STT3B: variants seen among roughly 807,000 people sequenced by gnomAD.
The protein encoded by STT3B is STT3 oligosaccharyltransferase complex catalytic subunit B, also known as dolichyl-diphosphooligosaccharide--protein glycosyltransferase subunit STT3B.
Under a neutral mutation model 96.8 loss-of-function variants are expected in STT3B, and 29 were observed. The ratio of observed to expected loss-of-function variants is 0.30; its 90% CI spans 0.22 to 0.41. The LOEUF (loss-of-function observed/expected upper bound fraction) is 0.41, where lower values mean the gene tolerates loss of function less well. Ranked by LOEUF, STT3B falls within the 10% of genes least tolerant of loss-of-function variation. STT3B has a pLI of 1.00. For missense variants in STT3B, 640 were observed against 1,022.3 expected, an observed-to-expected ratio of 0.63 and a Z score of 5.10; for synonymous variants, 367 against 360.0, an observed-to-expected ratio of 1.02 and a Z score of -0.22.
At chr3:31,564,893 T>C (rs887420050) in intron 1 of STT3B, among the ~76,000 whole-genome samples, 3 of 152,222 alleles carry the variant, frequency 2.0e-5, no homozygotes, top group African/African-American at 7.2e-5. Context: ...TCCGAACCAA[T>C]TGTTAAACTT....
In STT3B at chr3:31,600,367, C is replaced by G; in HGVS notation, c.785C>G (p.Ala262Gly). The G allele has an allele frequency of 6.5e-7, 1 of 1,530,962 alleles. No homozygotes were observed. The highest frequency in any genetic ancestry group is 1.4e-5 in the African/African-American group (1 of 73,270). 94.8% of individuals were successfully genotyped at this position (1,530,962 alleles called of 1,614,324 possible). ...GCACTTCTTTTCCTATAGGTCTCTGCTTGGGGTGGTTATGTATTTATCATC... is the reference window on the plus strand; with the variant it reads ...GCACTTCTTTTCCTATAGGTCTCTGGTTGGGGTGGTTATGTATTTATCATC... ...CCLSYFYMVS[A>G]WGGYVFIINL... The change falls in exon 5 of 16, where the codon GCT (alanine) becomes GGT (glycine). Residue 262 changes from alanine (A) to glycine (G), a missense_variant. Around this residue, in one of 8 missense-constraint regions of STT3B, gnomAD observed 267 missense variants for 388.3 expected, o/e 0.69. Transcript: ENST00000295770.
chr3:31,586,132 A>G (rs1698529751), intron 3 of STT3B, among the ~76,000 whole-genome samples: 1 of 152,006 alleles, frequency 6.6e-6, no homozygotes, highest in African/African-American at 2.4e-5. Flanking sequence ...CACATTTTTA[A>G]ATTTTACCCA....
At chr3:31,586,563 T>A (rs1698542337) in intron 3 of STT3B, among the ~76,000 whole-genome samples, 1 of 152,108 alleles carries the variant, frequency 6.6e-6, no homozygotes, top group South Asian at 2.1e-4. Context: ...TTAAGTTGAT[T>A]ATGGTCTGGT....
Position 31,635,967 on chromosome 3 carries a change from G to T in STT3B, c.2401-17G>T, listed in dbSNP as rs370120522. 7.7e-4 allele frequency: 1,223 copies of T among 1,587,626 alleles called. 4 individuals are homozygous for T. The highest frequency in any genetic ancestry group is 3.6e-3 in the South Asian group (313 of 87,118). On this transcript the variant is annotated splice_polypyrimidine_tract_variant and intron_variant, in intron 15 of 15. Transcript: ENST00000295770. ...TAAGAAACCTGCATTAATACTATGT[G>T]TTTTGTTTTTTTATAGACTACCAAA...
At chr3:31,561,932 G>C (rs1008478856) in intron 1 of STT3B, among the ~76,000 whole-genome samples, 7 of 152,072 alleles carry the variant, frequency 4.6e-5, no homozygotes, top group African/African-American at 1.7e-4. Context: ...GATTTCCCCA[G>C]GGGCTTAAGA....
intron 3 of STT3B, among the ~76,000 whole-genome samples, chr3:31,594,003 T>G (rs1208664373): frequency 3.9e-5 from 6 of 152,166 alleles, no homozygotes; most frequent in Admixed American, 3.9e-4. Context: ...AGCTTACCCT[T>G]GTTATTTTTA....
At chr3:31,586,371 C>A (rs1311587272) in intron 3 of STT3B, among the ~76,000 whole-genome samples, 1 of 151,920 alleles carries the variant, frequency 6.6e-6, no homozygotes, top group Non-Finnish European at 1.5e-5. Context: ...TTTCTCTAGT[C>A]TCTTCCTAAG....
chr3:31,583,974 A>G (rs1468813097), intron 3 of STT3B, among the ~76,000 whole-genome samples: 1 of 152,140 alleles, frequency 6.6e-6, no homozygotes, highest in African/African-American at 2.4e-5. Flanking sequence ...TTAGTGTCAT[A>G]TTTAAGGAAA....
At chr3:31,591,653 C>T (rs1698665217) in intron 3 of STT3B, among the ~76,000 whole-genome samples, 1 of 151,982 alleles carries the variant, frequency 6.6e-6, no homozygotes, top group East Asian at 1.9e-4. Flanking sequence ...TATTTTTTCT[C>T]TCCTCTCCTC....
At chr3:31,608,764 C>A (rs1699113212) in intron 5 of STT3B, among the ~76,000 whole-genome samples, 1 of 152,154 alleles carries the variant, frequency 6.6e-6, no homozygotes, top group Non-Finnish European at 1.5e-5. Flanking sequence ...GTTATGGATT[C>A]TTCATGGTAT....
In STT3B at chr3:31,533,267, TCG is replaced by T; in HGVS notation, c.271_272del (p.Ala91ArgfsTer16). The T allele has an allele frequency of 6.6e-7, 1 of 1,526,684 alleles. No homozygotes were observed. Among genetic ancestry groups the T allele is most frequent in the Non-Finnish European group, 8.8e-7 (1 of 1,137,748 alleles). 94.6% of individuals were successfully genotyped at this position (1,526,684 alleles called of 1,614,324 possible). A position where few individuals can be genotyped will look rare whatever the true frequency, so the allele number is the denominator to read the frequency against. ...CTTGCCGGCTTCAGCTCGCGCCTCTTCGCCGTCATCCGCTTCGAAAGCATCAT... is the reference window on the plus strand; with the variant it reads ...CTTGCCGGCTTCAGCTCGCGCCTCTTCCGTCATCCGCTTCGAAAGCATCAT... On this transcript the variant is annotated frameshift_variant, in exon 1 of 16. Transcript: ENST00000295770. LOFTEE classifies it high-confidence loss of function.
rs138306138 is a variant in STT3B, at chr3:31,608,830, G to A, written c.878-6275G>A. Among the ~76,000 whole-genome samples the A allele has an allele frequency of 8.3e-4, 127 of 152,292 alleles. 2 individuals are homozygous for A. The East Asian group carries it at 0.02, about 24-fold the overall frequency. ...TAGTAGTCGACAATAAGAAAAGGAT[G>A]TGTTGGCCAGGTGCAGTGGCTCACG... On this transcript the variant is annotated intron_variant, in intron 5 of 15. Transcript: ENST00000295770.
intron 1 of STT3B, among the ~76,000 whole-genome samples, chr3:31,562,380 G>C (rs1697901148): frequency 6.6e-6 from 1 of 152,170 alleles, no homozygotes; most frequent in Non-Finnish European, 1.5e-5. Context: ...CAGACCCTGG[G>C]AGTAGTGTTC....
chr3:31,593,265 C>T (rs575126151), intron 3 of STT3B, among the ~76,000 whole-genome samples: 17 of 151,970 alleles, frequency 1.1e-4, no homozygotes, highest in African/African-American at 3.4e-4. Context: ...TCATTTAACG[C>T]TGTGAGTATG....
chr3:31,592,909 A>G (rs1280033031), intron 3 of STT3B, among the ~76,000 whole-genome samples: 1 of 152,214 alleles, frequency 6.6e-6, no homozygotes, highest in Admixed American at 6.5e-5. Context: ...CACTTCAGCC[A>G]GAGGAGGAGG....
chr3:31,623,023 T>A lies in STT3B; in HGVS notation c.1540-651T>A, dbSNP rs61392703. Among the ~76,000 whole-genome samples, 12 of 152,346 alleles carry A rather than the reference T, an allele frequency of 7.9e-5. No homozygotes were observed. In the East Asian group the frequency reaches 2.1e-3, roughly 27 times the overall value. ...ATAAGATGAATGTAATTCATAAAGATGTGTGTTAATAAACCCACATTCCTG... is the reference window on the plus strand; with the variant it reads ...ATAAGATGAATGTAATTCATAAAGAAGTGTGTTAATAAACCCACATTCCTG... On this transcript the variant is annotated intron_variant, in intron 10 of 15. Transcript: ENST00000295770.
At chr3:31,552,072 C>T (rs1363804971) in intron 1 of STT3B, among the ~76,000 whole-genome samples, 2 of 152,156 alleles carry the variant, frequency 1.3e-5, no homozygotes, top group South Asian at 2.1e-4. Context: ...CAACCTTGTG[C>T]GACCCTAAAC....
chr3:31,548,797 G>A (rs62234705), intron 1 of STT3B, among the ~76,000 whole-genome samples: 23,522 of 152,042 alleles, frequency 0.15, 2,239 homozygotes, highest in East Asian at 0.25. Flanking sequence ...CATACCTGGC[G>A]AGCACAAAGA....
intron 1 of STT3B, among the ~76,000 whole-genome samples, chr3:31,572,052 T>TATTAATATATGATATATTAA (rs1376367128): frequency 7.5e-5 from 7 of 93,624 alleles, no homozygotes; most frequent in East Asian, 6.9e-4. Context: ...TATTAATATA[T>TATTAATATATGATATATTAA]CATATATTAA....
Sources: gnomAD v4.1 joint callset for allele counts (sites outside exome capture counted in the v4.1 genomes callset) on GRCh38, gnomAD v4.1.1 for gene constraint, gnomAD v4.1.1 regional missense constraint, MANE v1.5 for transcripts, NCBI Gene and HGNC (gene_info 2026-07-23, HGNC 2026-07-21) for gene names.